UGT2B15: variants seen among roughly 807,000 people sequenced by gnomAD.
UGT2B15 encodes the protein UDP glucuronosyltransferase family 2 member B15, also known as UDP-glucuronosyltransferase 2B15.
Under a neutral mutation model 45.9 loss-of-function variants are expected in UGT2B15, and 36 were observed. That is an observed-to-expected ratio of 0.78 (90% CI 0.60 to 1.04). UGT2B15 has a LOEUF of 1.04. UGT2B15 is among the 50% of genes least tolerant of loss of function. UGT2B15 has a pLI of 0.00. For synonymous variants in UGT2B15, 219 were observed against 216.4 expected (o/e 1.01, Z -0.11); for missense variants, 617 against 622.4 (o/e 0.99, Z 0.09).
intron 5 of UGT2B15, among the ~76,000 whole-genome samples, chr4:68,652,864 G>T (rs1417837411): frequency 6.6e-6 from 1 of 151,874 alleles, no homozygotes; most frequent in Non-Finnish European, 1.5e-5. Context: ...GATTAAAATA[G>T]AAATTTATCT....
intron 3 of UGT2B15, among the ~76,000 whole-genome samples, chr4:68,660,034 C>T (rs1245027971): frequency 1.4e-5 from 2 of 147,762 alleles, no homozygotes; most frequent in Non-Finnish European, 1.5e-5. Context: ...TTGTTTCCCT[C>T]TACCTGATTT....
chr4:68,658,343 T>C (rs1365188716), intron 3 of UGT2B15, among the ~76,000 whole-genome samples: 1 of 152,110 alleles, frequency 6.6e-6, no homozygotes, highest in East Asian at 1.9e-4. Flanking sequence ...TTTTCAAGTT[T>C]ATGTAACTTC....
At position 68,669,897 on chromosome 4, in the gene UGT2B15, A is replaced by C; in HGVS notation, c.722T>G (p.Leu241Arg). 1 of 1,606,208 alleles carries C rather than the reference A, an allele frequency of 6.2e-7. No homozygotes were observed. Among genetic ancestry groups the C allele is most frequent in the Non-Finnish European group, 8.5e-7 (1 of 1,177,974 alleles). The stretch of plus-strand genomic sequence containing the variant: ...CACCAGTTAGACACATGACTTACCT[A>C]GAACTTCACTATAAAACTGGTCCCA... ...KKWDQFYSEVLGRPTTLFETM... is the reference protein window; with the variant it reads ...KKWDQFYSEVRGRPTTLFETM... Residue 241 changes from leucine to arginine, a missense_variant and splice_region_variant, in exon 1 of 6, where the codon CTA (leucine) becomes CGA (arginine). Physicochemically the swap from Leu to Arg is moderately radical, Grantham distance 102. Around this residue, in one of 3 missense-constraint regions of UGT2B15, gnomAD observed 351 missense variants for 342.1 expected, o/e 1.03. Coordinates refer to ENST00000338206, the MANE Select transcript of UGT2B15 (RefSeq NM_001076.4).
At chr4:68,648,048 G>A (rs1239256415) in intron 5 of UGT2B15, among the ~76,000 whole-genome samples, 1 of 151,936 alleles carries the variant, frequency 6.6e-6, no homozygotes, top group Non-Finnish European at 1.5e-5. Context: ...AAGAAGAATT[G>A]TGACACAACT....
intron 1 of UGT2B15, among the ~76,000 whole-genome samples, chr4:68,668,580 G>A (rs1733209982): frequency 6.6e-6 from 1 of 150,976 alleles, no homozygotes; most frequent in Admixed American, 6.6e-5. Context: ...GGGACCCAGT[G>A]GCAGGTGATT....
At chr4:68,665,896 G>T (rs1028199869) in intron 2 of UGT2B15, among the ~76,000 whole-genome samples, 1 of 151,968 alleles carries the variant, frequency 6.6e-6, no homozygotes, top group African/African-American at 2.4e-5. Context: ...AAAACACAAA[G>T]ATTAGTCAGA....
chr4:68,670,393 C>G lies in UGT2B15; in HGVS notation c.226G>C (p.Val76Leu), dbSNP rs1431926469. 6.2e-7 allele frequency: 1 copy of G among 1,613,588 alleles called. No individual in the cohort carries two copies. The highest frequency in any genetic ancestry group is 1.1e-5 in the South Asian group (1 of 90,924). ...ASKSSAIKLE[V>L]YPTSLTKNYL... Reference sequence around the variant, plus strand: ...TTTTTAGTTAAAGATGTAGGATAAACTTCTAATTTAATAGCAGATGATTTA... The same window carrying G: ...TTTTTAGTTAAAGATGTAGGATAAAGTTCTAATTTAATAGCAGATGATTTA... Residue 76 changes from valine (V) to leucine (L), a missense_variant, in exon 1 of 6, where the codon GTT becomes CTT. This residue lies in a region of UGT2B15 where 351 missense variants were observed against 342.1 expected (regional missense o/e 1.03). Transcript: ENST00000338206.
At chr4:68,661,234 T>C (rs539476853) in intron 3 of UGT2B15, among the ~76,000 whole-genome samples, 1 of 152,018 alleles carries the variant, frequency 6.6e-6, no homozygotes, top group Non-Finnish European at 1.5e-5. Flanking sequence ...CTATTCAAAG[T>C]CACCCCTCTG....
At chr4:68,663,807 A>G (rs1733038164) in intron 2 of UGT2B15, among the ~76,000 whole-genome samples, 1 of 150,830 alleles carries the variant, frequency 6.6e-6, no homozygotes, top group South Asian at 2.1e-4. Flanking sequence ...AAGTATAAGA[A>G]TCACTGACAT....
intron 3 of UGT2B15, among the ~76,000 whole-genome samples, chr4:68,656,686 C>G (rs867358813): frequency 2.0e-5 from 3 of 152,126 alleles, no homozygotes; most frequent in African/African-American, 7.2e-5. Context: ...TATGAAAAAT[C>G]TAGAGAAGGC....
chr4:68,664,281 AG>A lies in UGT2B15; in HGVS notation c.874-1143del, dbSNP rs1324920138. Reference sequence around the variant, plus strand: ...ATTCTCACACCAAAAAAAAAAAAAGAGAGAGAGAAAGAGGAAAAGAAATGTA... The same window carrying A: ...ATTCTCACACCAAAAAAAAAAAAAGAAGAGAGAAAGAGGAAAAGAAATGTA... On this transcript the variant is annotated intron_variant, in intron 2 of 5. Transcript: ENST00000338206. 6.2e-3 allele frequency among the ~76,000 whole-genome samples: 857 copies of A among 137,370 alleles called. 13 individuals are homozygous for A. The highest frequency in any genetic ancestry group is 0.054 in the East Asian group (219 of 4,070). The allele number at this position is 137,370 out of a possible 152,430, so 90.1% of individuals were successfully genotyped here.
chr4:68,670,054 G>T lies in UGT2B15; in HGVS notation c.565C>A (p.Leu189Met), dbSNP rs371903644. The part of the protein sequence containing the change: ...YTFEKNGGGF[L>M]FPPSYVPVVM... The stretch of plus-strand genomic sequence containing the variant: ...ACAGGTACATAGGAAGGAGGGAACA[G>T]AAATCCTCCACCATTCTTCTCAAAT... Residue 189 changes from leucine to methionine, a missense_variant, in exon 1 of 6, where the codon CTG becomes ATG. By Grantham distance (15) the Leu-to-Met change is conservative. Coordinates refer to ENST00000338206, the MANE Select transcript of UGT2B15 (RefSeq NM_001076.4). The T allele has an allele frequency of 6.2e-7, 1 of 1,613,934 alleles. No homozygotes were observed. The highest frequency in any genetic ancestry group is 1.6e-4 in the Middle Eastern group (1 of 6,080).
chr4:68,647,347 A>T lies in UGT2B15; in HGVS notation c.1350T>A (p.His450Gln). ...CCAGGGGCTTCATTGGTTGGTCATG[A>T]TGAATTCTTGATAATTTCATGACAT... is the stretch of plus-strand genomic sequence containing the variant. ...KENVMKLSRI[H>Q]HDQPMKPLDR... The change falls in exon 6 of 6, where the codon CAT (histidine) becomes CAA (glutamine). Residue 450 changes from histidine (H) to glutamine (Q), a missense_variant. This residue lies in a region of UGT2B15 where 265 missense variants were observed against 245.1 expected (regional missense o/e 1.08). Coordinates refer to ENST00000338206, the MANE Select transcript of UGT2B15 (RefSeq NM_001076.4). The T allele has an allele frequency of 6.2e-7, 1 of 1,613,654 alleles. No individual in the cohort carries two copies. Among genetic ancestry groups the T allele is most frequent in the Non-Finnish European group, 8.5e-7 (1 of 1,179,694 alleles).
In UGT2B15 at chr4:68,647,015, A is replaced by C; in HGVS notation, c.*89T>G. 1 of 1,511,398 alleles carries C rather than the reference A, an allele frequency of 6.6e-7. No individual in the cohort carries two copies. Among genetic ancestry groups the C allele is most frequent in the Non-Finnish European group, 8.9e-7 (1 of 1,129,460 alleles). 93.6% of individuals were successfully genotyped at this position (1,511,398 alleles called of 1,614,324 possible). On this transcript the variant is annotated 3_prime_UTR_variant, in exon 6 of 6. Coordinates refer to ENST00000338206, the MANE Select transcript of UGT2B15 (RefSeq NM_001076.4). ...TGTGAAAAGATGTTTTGTCACAGGA[A>C]AAAGGAAATCCTCCATTTAAAACCC... is the stretch of plus-strand genomic sequence containing the variant.
intron 5 of UGT2B15, among the ~76,000 whole-genome samples, chr4:68,649,399 C>A (rs1464863988): frequency 6.9e-6 from 1 of 145,828 alleles, no homozygotes; most frequent in African/African-American, 2.6e-5. Flanking sequence ...ATGCCTCAAT[C>A]TCCCAAGTAT....
intron 3 of UGT2B15, among the ~76,000 whole-genome samples, chr4:68,660,628 A>G (rs1732935169): frequency 1.3e-5 from 2 of 151,966 alleles, no homozygotes; most frequent in Non-Finnish European, 2.9e-5. Context: ...CAAAAATAAC[A>G]GTATACCTGT....
chr4:68,658,937 T>C (rs933379028), intron 3 of UGT2B15, among the ~76,000 whole-genome samples: 1 of 152,058 alleles, frequency 6.6e-6, no homozygotes, highest in African/African-American at 2.4e-5. Context: ...TAAGTTAGTT[T>C]ATTTACAAAT....
intron 3 of UGT2B15, among the ~76,000 whole-genome samples, chr4:68,658,551 G>C (rs1222493395): frequency 1.3e-5 from 2 of 151,966 alleles, no homozygotes; most frequent in East Asian, 3.8e-4. Context: ...GCCCAAAACA[G>C]AATGATCTTT....
rs1384989527 is a variant in UGT2B15 at position 68,668,165 on chromosome 4, T to C, written c.748A>G (p.Thr250Ala). The change falls in exon 2 of 6, where the codon ACA (threonine) becomes GCA (alanine). Residue 250 changes from threonine (T) to alanine (A), a missense_variant. Physicochemically the swap from Thr to Ala is moderately conservative, Grantham distance 58. Around this residue, in one of 3 missense-constraint regions of UGT2B15, gnomAD observed 351 missense variants for 342.1 expected, o/e 1.03. Coordinates refer to ENST00000338206, the MANE Select transcript of UGT2B15 (RefSeq NM_001076.4). ...AGCCACATTTCAGCTTTCCCCATTG[T>C]CTCAAATAATGTAGTGGGTCTTCCT... The part of the protein sequence containing the change: ...VLGRPTTLFE[T>A]MGKAEMWLIR... 1.2e-6 allele frequency: 2 copies of C among 1,613,028 alleles called. No individual in the cohort carries two copies. The highest frequency in any genetic ancestry group is 1.7e-6 in the Non-Finnish European group (2 of 1,179,424).
Sources: gnomAD v4.1 joint callset for allele counts (sites outside exome capture counted in the v4.1 genomes callset) on GRCh38, gnomAD v4.1.1 for gene constraint, gnomAD v4.1.1 regional missense constraint, MANE v1.5 for transcripts, NCBI Gene and HGNC (gene_info 2026-07-23, HGNC 2026-07-21) for gene names.